Variants in MAST4 observed in about 807,000 individuals in gnomAD.
MAST4 encodes microtubule-associated serine/threonine-protein kinase 4.
In MAST4, 89 loss-of-function variants were observed where a neutral mutation model predicts 162.7. That is an observed-to-expected ratio of 0.55 (90% CI 0.46 to 0.65). The LOEUF is 0.65. Ranked by LOEUF, MAST4 falls within the 30% of genes least tolerant of loss-of-function variation. The pLI is 0.00. For missense variants in MAST4, 3,153 were observed against 3,374.0 expected (o/e 0.93, Z 1.62); for synonymous variants, 1,479 against 1,361.1 (o/e 1.09, Z -1.91).
chr5:66,883,234 C>G (rs1761807043), intron 3 of MAST4, among the ~76,000 whole-genome samples: 1 of 152,114 alleles, frequency 6.6e-6, no homozygotes, highest in South Asian at 2.1e-4. Flanking sequence ...CTTTTCACTT[C>G]TAGCTTTTCT....
In MAST4 at chr5:67,054,361, G is replaced by A. The variant is rs1447537850; in HGVS notation, c.675-43G>A. ...GGGAACATGGTTGAACATTATTGAT[G>A]CTATATTCTTTTTAAACTTTGTTTT... On this transcript the variant is annotated intron_variant, in intron 4 of 28. Coordinates refer to ENST00000403625, the MANE Select transcript of MAST4 (RefSeq NM_001164664.2). The A allele has an allele frequency of 5.3e-6, 8 of 1,499,922 alleles. No individual in the cohort carries two copies. The South Asian group carries it at 9.8e-5, about 18-fold the overall frequency. 92.9% of individuals were successfully genotyped at this position (1,499,922 alleles called of 1,614,324 possible).
rs191899846 is a variant in MAST4, at chr5:66,640,130, C to G, written c.363+43112C>G. ...CTGCTTCCTTTTTCTATGTATACAACAACTATTTTTAGATTCCACATATGA... is the reference window on the plus strand; with the variant it reads ...CTGCTTCCTTTTTCTATGTATACAAGAACTATTTTTAGATTCCACATATGA... On this transcript the variant is annotated intron_variant, in intron 1 of 28. Transcript: ENST00000403625. Among the ~76,000 whole-genome samples, 277 of 152,240 alleles carry G rather than the reference C, an allele frequency of 1.8e-3. 1 individual carries two copies. Among genetic ancestry groups the G allele is most frequent in the African/African-American group, 6.2e-3 (258 of 41,540 alleles).
chr5:66,924,376 C>T (rs1238039808), intron 4 of MAST4, among the ~76,000 whole-genome samples: 1 of 151,710 alleles, frequency 6.6e-6, no homozygotes, highest in Admixed American at 6.6e-5. Flanking sequence ...AATATGACTA[C>T]TTGGTCTTTG....
chr5:66,888,791 G>A (rs1561417244), intron 3 of MAST4, among the ~76,000 whole-genome samples: 1 of 152,198 alleles, frequency 6.6e-6, no homozygotes, highest in Non-Finnish European at 1.5e-5. Context: ...AGTGAGGTTG[G>A]TGTGGAAATG....
intron 4 of MAST4, among the ~76,000 whole-genome samples, chr5:66,924,182 A>G (rs1764723027): frequency 6.6e-6 from 1 of 152,150 alleles, no homozygotes; most frequent in African/African-American, 2.4e-5. Context: ...ATTCAGTTGA[A>G]ATAGCCAATT....
At chr5:67,125,018 T>C (rs972731415) in intron 14 of MAST4, among the ~76,000 whole-genome samples, 1 of 152,188 alleles carries the variant, frequency 6.6e-6, no homozygotes, top group Non-Finnish European at 1.5e-5. Flanking sequence ...AAAATCAGAA[T>C]GGCCACCTTG....
chr5:67,083,647 T>C (rs964913527), intron 5 of MAST4, among the ~76,000 whole-genome samples: 1 of 152,186 alleles, frequency 6.6e-6, no homozygotes, highest in Non-Finnish European at 1.5e-5. Context: ...TGCATTAGGT[T>C]ACATTCTTTA....
chr5:66,902,138 T>G (rs1050617787), intron 4 of MAST4, among the ~76,000 whole-genome samples: 1 of 152,194 alleles, frequency 6.6e-6, no homozygotes, highest in Non-Finnish European at 1.5e-5. Context: ...GGGGTTTGCT[T>G]CTGCTGTTCT....
chr5:66,963,947 A>G lies in MAST4; in HGVS notation c.674+63965A>G, dbSNP rs940184768. ...GGTGACTTACTTGATCACTTACTCT[A>G]TTTAGCATATTTACTCATATTTCAC... On this transcript the variant is annotated intron_variant, in intron 4 of 28. Coordinates refer to ENST00000403625, the MANE Select transcript of MAST4 (RefSeq NM_001164664.2). 17 of 714,112 alleles carry G rather than the reference A, an allele frequency of 2.4e-5. No homozygotes were observed. In the African/African-American group the frequency reaches 2.8e-4, roughly 12 times the overall value. 44.2% of individuals were successfully genotyped at this position (714,112 alleles called of 1,614,324 possible).
At chr5:66,759,984 A>T in intron 2 of MAST4, 122 bp downstream of exon 2, 1 of 981,290 alleles carries the variant, frequency 1.0e-6, no homozygotes, top group Non-Finnish European at 1.4e-6. Flanking sequence ...AGACCATTTC[A>T]TAAAAATCTT....
intron 23 of MAST4, 146 bp from the exon 24 acceptor site, chr5:67,149,243 T>A: frequency 1.5e-6 from 1 of 668,850 alleles, no homozygotes; most frequent in Non-Finnish European, 2.6e-6. Context: ...ATGTTGTTAA[T>A]GTTCGCCTGA....
intron 4 of MAST4, among the ~76,000 whole-genome samples, chr5:66,913,856 G>A (rs973777582): frequency 4.6e-5 from 7 of 152,102 alleles, no homozygotes; most frequent in African/African-American, 7.2e-5. Flanking sequence ...CTGCATACAC[G>A]TCTCTAATCG....
chr5:66,870,903 C>T, intron 3 of MAST4: 1 of 469,588 alleles, frequency 2.1e-6, no homozygotes, highest in Non-Finnish European at 4.4e-6. Flanking sequence ...CGGCGTGGTC[C>T]CGCTGCGGTA....
At chr5:66,695,676 T>C in intron 1 of MAST4, among the ~76,000 whole-genome samples, 1 of 152,140 alleles carries the variant, frequency 6.6e-6, no homozygotes, top group East Asian at 1.9e-4. Flanking sequence ...CTAGTCAGAA[T>C]GGTGATTTTA....
chr5:67,160,704 T>C, intron 27 of MAST4, 112 bp downstream of exon 27: 1 of 1,193,364 alleles, frequency 8.4e-7, no homozygotes, highest in Non-Finnish European at 1.2e-6. Flanking sequence ...GTGAGAAATT[T>C]TATGTTATGG....
At chr5:66,943,874 A>G (rs929966166) in intron 4 of MAST4, among the ~76,000 whole-genome samples, 3 of 152,136 alleles carry the variant, frequency 2.0e-5, no homozygotes, top group Non-Finnish European at 2.9e-5. Flanking sequence ...TTTCAAAATC[A>G]TTATGCAAGG....
chr5:67,102,887 A>AG (rs1765183119), intron 9 of MAST4, among the ~76,000 whole-genome samples: 1 of 152,192 alleles, frequency 6.6e-6, no homozygotes, highest in Non-Finnish European at 1.5e-5. Flanking sequence ...GAGGTGCCGT[A>AG]GGGAGGGTCT....
chr5:66,771,077 G>T (rs1227825204), intron 2 of MAST4, among the ~76,000 whole-genome samples: 1 of 152,142 alleles, frequency 6.6e-6, no homozygotes, highest in Admixed American at 6.5e-5. Flanking sequence ...TCAGTAACTG[G>T]AATTCTTCAA....
intron 19 of MAST4, among the ~76,000 whole-genome samples, chr5:67,139,327 T>A (rs1342278017): frequency 1.3e-5 from 2 of 152,200 alleles, no homozygotes; most frequent in Non-Finnish European, 2.9e-5. Context: ...AAAAAGGGTG[T>A]GAAGAACATA....
Sources: gnomAD v4.1 joint callset for allele counts (sites outside exome capture counted in the v4.1 genomes callset) on GRCh38, gnomAD v4.1.1 for gene constraint, MANE v1.5 for transcripts, NCBI Gene and HGNC (gene_info 2026-07-23, HGNC 2026-07-21) for gene names.